IFT57: variants seen among roughly 807,000 people sequenced by gnomAD.
IFT57 encodes the protein intraflagellar transport 57.
IFT57 carries 59 observed loss-of-function variants against 56.8 expected under a neutral mutation model. The ratio of observed to expected loss-of-function variants is 1.04; its 90% CI spans 0.84 to 1.29. IFT57 has a LOEUF of 1.29. Ranked by LOEUF, IFT57 falls within the 50% of genes most tolerant of loss-of-function variation. IFT57 has a pLI of 0.00. For synonymous variants in IFT57, 209 were observed against 186.1 expected (o/e 1.12, Z -1.00); for missense variants, 470 against 522.1 (o/e 0.90, Z 0.97).
chr3:108,189,078 CAA>C (rs1315069633), intron 6 of IFT57, among the ~76,000 whole-genome samples: 1 of 151,964 alleles, frequency 6.6e-6, no homozygotes. Context: ...CTGACAAAAC[CAA>C]AAAATCAGAA....
At chr3:108,180,852 T>C (rs540245160) in intron 6 of IFT57, among the ~76,000 whole-genome samples, 56 of 152,192 alleles carry the variant, frequency 3.7e-4, no homozygotes, top group African/African-American at 1.3e-3. Flanking sequence ...AAACAAATCA[T>C]TCTTTGCAAT....
intron 5 of IFT57, among the ~76,000 whole-genome samples, chr3:108,196,138 A>G (rs951380484): frequency 2.6e-5 from 4 of 152,112 alleles, no homozygotes; most frequent in African/African-American, 7.2e-5. Context: ...CATAATAACT[A>G]AAGATAAAAA....
chr3:108,203,794 C>A (rs1410342945), intron 5 of IFT57, among the ~76,000 whole-genome samples: 1 of 152,042 alleles, frequency 6.6e-6, no homozygotes. Flanking sequence ...ATACCAGGGT[C>A]TGTGAGGAAA....
chr3:108,185,551 ATTTTTTT>A (rs1179200943), intron 6 of IFT57, among the ~76,000 whole-genome samples: 5 of 87,320 alleles, frequency 5.7e-5, no homozygotes, highest in South Asian at 4.4e-4. Flanking sequence ...GAGCACTAGG[ATTTTTTT>A]TTTTTTTTTT....
chr3:108,173,997 AGT>A (rs34537693), intron 6 of IFT57, among the ~76,000 whole-genome samples: 10,496 of 100,522 alleles, frequency 0.1, 715 homozygotes, highest in African/African-American at 0.14. Flanking sequence ...CATATATTTG[AGT>A]GTGTGTGTGT....
chr3:108,177,790 C>T (rs764844722), intron 6 of IFT57, among the ~76,000 whole-genome samples: 3 of 151,762 alleles, frequency 2.0e-5, no homozygotes, highest in Non-Finnish European at 4.4e-5. Context: ...GAAGCATTCT[C>T]CCTGATAACA....
At chr3:108,200,178 C>T (rs1035803370) in intron 5 of IFT57, among the ~76,000 whole-genome samples, 7 of 152,072 alleles carry the variant, frequency 4.6e-5, no homozygotes, top group Non-Finnish European at 8.8e-5. Context: ...AGCCATGTTT[C>T]AGTAAGTCAG....
At chr3:108,194,247 C>T (rs2080231176) in intron 5 of IFT57, among the ~76,000 whole-genome samples, 1 of 152,050 alleles carries the variant, frequency 6.6e-6, no homozygotes, top group Non-Finnish European at 1.5e-5. Flanking sequence ...TAATTCCATT[C>T]ACGACAGCTA....
intron 6 of IFT57, among the ~76,000 whole-genome samples, chr3:108,176,471 G>C (rs2080124589): frequency 1.3e-5 from 2 of 151,520 alleles, no homozygotes; most frequent in Non-Finnish European, 1.5e-5. Context: ...TCCTTTCTTT[G>C]TCACCCAATT....
chr3:108,197,804 C>T (rs1353200121), intron 5 of IFT57, among the ~76,000 whole-genome samples: 2 of 152,090 alleles, frequency 1.3e-5, no homozygotes, highest in Non-Finnish European at 2.9e-5. Context: ...TTGCTCAAAT[C>T]CCACCTCCAT....
chr3:108,206,898 G>T (rs1437911514), intron 4 of IFT57, among the ~76,000 whole-genome samples: 1 of 151,818 alleles, frequency 6.6e-6, no homozygotes, highest in Non-Finnish European at 1.5e-5. Context: ...AGGTTTTGAT[G>T]GTACTACTAC....
At chr3:108,220,522 G>A (rs1379649540) in intron 1 of IFT57, among the ~76,000 whole-genome samples, 6 of 152,182 alleles carry the variant, frequency 3.9e-5, no homozygotes, top group Admixed American at 1.3e-4. Context: ...AAGAAAAAAG[G>A]CCATGAAGTC....
rs778591654 is a variant in IFT57 at position 108,199,193 on chromosome 3, C to A, written c.654+7435G>T. On this transcript the variant is annotated intron_variant, in intron 5 of 10. Coordinates refer to ENST00000264538, the MANE Select transcript of IFT57 (RefSeq NM_018010.4). ...TTTGTTGTTTCATTTTTTAAAAAAACCCACGGAACATATTTTACTTTAAAA... is the reference window on the plus strand; with the variant it reads ...TTTGTTGTTTCATTTTTTAAAAAAAACCACGGAACATATTTTACTTTAAAA... Among the ~76,000 whole-genome samples the A allele has an allele frequency of 1.8e-3, 275 of 152,052 alleles. 3 individuals carry two copies. The highest frequency in any genetic ancestry group is 3.4e-3 in the Middle Eastern group (1 of 294).
intron 6 of IFT57, among the ~76,000 whole-genome samples, chr3:108,171,902 T>C (rs1253631475): frequency 6.6e-6 from 1 of 151,876 alleles, no homozygotes; most frequent in Non-Finnish European, 1.5e-5. Flanking sequence ...CCTAACAGTC[T>C]CTGTTTCTCT....
intron 5 of IFT57, among the ~76,000 whole-genome samples, chr3:108,198,803 T>C (rs961733787): frequency 2.0e-5 from 3 of 152,182 alleles, no homozygotes; most frequent in Non-Finnish European, 2.9e-5. Context: ...GGAGTTAATT[T>C]GGGTGTAATG....
intron 5 of IFT57, 90 bp from the exon 6 acceptor site, chr3:108,191,733 T>A: frequency 1.4e-6 from 1 of 716,752 alleles, no homozygotes; most frequent in Non-Finnish European, 2.1e-6. Context: ...ACAATTTAAA[T>A]CAAGAATTGG....
chr3:108,193,426 A>C (rs1403535527), intron 5 of IFT57, among the ~76,000 whole-genome samples: 1 of 152,200 alleles, frequency 6.6e-6, no homozygotes, highest in Non-Finnish European at 1.5e-5. Context: ...TCACCATTTG[A>C]GAATGGATAA....
At chr3:108,194,810 C>T (rs770579039) in intron 5 of IFT57, among the ~76,000 whole-genome samples, 1 of 152,128 alleles carries the variant, frequency 6.6e-6, no homozygotes, top group Non-Finnish European at 1.5e-5. Context: ...AAACTAGATG[C>T]CTATCTCTTA....
chr3:108,186,537 T>C (rs2080184162), intron 6 of IFT57, among the ~76,000 whole-genome samples: 1 of 152,166 alleles, frequency 6.6e-6, no homozygotes, highest in Admixed American at 6.6e-5. Flanking sequence ...GGGCTCTGAT[T>C]ATTCAAGACT....
Sources: allele counts gnomAD v4.1 joint callset (sites outside exome capture counted in the v4.1 genomes callset), GRCh38; gene constraint gnomAD v4.1.1; transcripts MANE v1.5; gene names NCBI Gene and HGNC (gene_info 2026-07-23, HGNC 2026-07-21).